Variants in DNAJC5B observed in about 807,000 individuals in gnomAD.
DNAJC5B encodes DnaJ heat shock protein family (Hsp40) member C5 beta.
In DNAJC5B, 23 loss-of-function variants were observed where a neutral mutation model predicts 24.7. The ratio of observed to expected loss-of-function variants is 0.93; its 90% CI spans 0.67 to 1.32. The LOEUF is 1.32. Among genes scored for constraint, DNAJC5B ranks in the 40% most tolerant of loss-of-function variants. The pLI is 0.00. For synonymous variants in DNAJC5B, 101 were observed against 90.1 expected, an observed-to-expected ratio of 1.12 and a Z score of -0.68; for missense variants, 238 against 240.8, an observed-to-expected ratio of 0.99 and a Z score of 0.08.
At chr8:66,055,368 A>G (rs1038672714) in intron 3 of DNAJC5B, among the ~76,000 whole-genome samples, 5 of 152,230 alleles carry the variant, frequency 3.3e-5, no homozygotes, top group African/African-American at 1.2e-4. Context: ...GTGAATTAAA[A>G]GTCAGTGAAA....
intron 1 of DNAJC5B, among the ~76,000 whole-genome samples, chr8:66,026,551 C>A (rs984490986): frequency 3.3e-5 from 5 of 152,276 alleles, no homozygotes; most frequent in African/African-American, 1.2e-4. Context: ...CCCTGAGGCG[C>A]CTTGGCAGGC....
At chr8:66,089,946 T>C (rs1015092046) in intron 5 of DNAJC5B, among the ~76,000 whole-genome samples, 2 of 152,192 alleles carry the variant, frequency 1.3e-5, no homozygotes, top group Non-Finnish European at 2.9e-5. Context: ...AAATGGAAGA[T>C]AGATAGTGTC....
chr8:66,096,651 A>G (rs574899436), intron 5 of DNAJC5B, among the ~76,000 whole-genome samples: 5 of 152,230 alleles, frequency 3.3e-5, no homozygotes, highest in South Asian at 2.1e-4. Flanking sequence ...CTTTTGTCTT[A>G]TATCTTATTT....
intron 3 of DNAJC5B, among the ~76,000 whole-genome samples, chr8:66,054,935 T>A (rs1358295937): frequency 6.6e-6 from 1 of 152,118 alleles, no homozygotes; most frequent in Non-Finnish European, 1.5e-5. Context: ...ATTTTTGTAA[T>A]ATCTACAAAA....
chr8:66,075,386 A>T (rs1483738662), intron 3 of DNAJC5B, among the ~76,000 whole-genome samples: 1 of 152,286 alleles, frequency 6.6e-6, no homozygotes, highest in East Asian at 1.9e-4. Flanking sequence ...GGGGGGGGAA[A>T]TGCTGCAATT....
At chr8:66,067,680 A>G (rs1466072768) in intron 3 of DNAJC5B, among the ~76,000 whole-genome samples, 3 of 152,314 alleles carry the variant, frequency 2.0e-5, no homozygotes, top group African/African-American at 4.8e-5. Context: ...TCATCTAGCC[A>G]TGAGGAAAAG....
intron 5 of DNAJC5B, among the ~76,000 whole-genome samples, chr8:66,093,074 C>A (rs758731567): frequency 6.6e-5 from 10 of 152,120 alleles, no homozygotes; most frequent in Non-Finnish European, 1.5e-4. Flanking sequence ...TTGTGACTGT[C>A]ATTCATGTAT....
intron 1 of DNAJC5B, among the ~76,000 whole-genome samples, chr8:66,033,086 T>G (rs1248927670): frequency 6.6e-6 from 1 of 152,220 alleles, no homozygotes; most frequent in African/African-American, 2.4e-5. Flanking sequence ...AAGCCATCCG[T>G]ATCCCAGTCC....
chr8:66,048,542 G>A (rs1806774898), intron 2 of DNAJC5B, among the ~76,000 whole-genome samples: 1 of 152,038 alleles, frequency 6.6e-6, no homozygotes, highest in African/African-American at 2.4e-5. Flanking sequence ...ATTGGGTAGG[G>A]CAGGGGACCA....
intron 1 of DNAJC5B, among the ~76,000 whole-genome samples, chr8:66,024,347 C>T (rs974416405): frequency 6.7e-6 from 1 of 149,642 alleles, no homozygotes; most frequent in African/African-American, 2.5e-5. Context: ...TGTATAACTG[C>T]AGAAGAAAGC....
chr8:66,069,748 CACA>C (rs1216227432), intron 3 of DNAJC5B, among the ~76,000 whole-genome samples: 12 of 152,218 alleles, frequency 7.9e-5, no homozygotes, highest in Admixed American at 2.0e-4. Flanking sequence ...CTGGCAGAGA[CACA>C]ACAAGAAAAG....
chr8:66,092,201 G>C (rs913779330), intron 5 of DNAJC5B, among the ~76,000 whole-genome samples: 2 of 152,202 alleles, frequency 1.3e-5, no homozygotes, highest in Admixed American at 6.5e-5. Flanking sequence ...AAAATATATA[G>C]TAGGGGAGAG....
At chr8:66,081,423 A>G (rs1807594385) in intron 5 of DNAJC5B, among the ~76,000 whole-genome samples, 1 of 152,156 alleles carries the variant, frequency 6.6e-6, no homozygotes, top group Non-Finnish European at 1.5e-5. Flanking sequence ...AAACCTAGAC[A>G]GCCAAATAAA....
intron 5 of DNAJC5B, among the ~76,000 whole-genome samples, chr8:66,092,230 T>A (rs1764857245): frequency 6.6e-6 from 1 of 152,206 alleles, no homozygotes; most frequent in Non-Finnish European, 1.5e-5. Context: ...AAGATTTGAC[T>A]AGAAAAAGAA....
chr8:66,040,425 T>C (rs1403466395), intron 1 of DNAJC5B, among the ~76,000 whole-genome samples: 1 of 152,080 alleles, frequency 6.6e-6, no homozygotes, highest in African/African-American at 2.4e-5. Context: ...GTTTAAGAAA[T>C]AAGAATGTTT....
At chr8:66,077,221 T>C (rs1263945501) in intron 4 of DNAJC5B, among the ~76,000 whole-genome samples, 1 of 152,222 alleles carries the variant, frequency 6.6e-6, no homozygotes, top group Non-Finnish European at 1.5e-5. Flanking sequence ...GGGGCAAATT[T>C]AGCCATGTCC....
At position 66,051,610 on chromosome 8, in the gene DNAJC5B, C is replaced by T. The variant is rs764193345; in HGVS notation, c.63C>T (p.Tyr21=). The T allele has an allele frequency of 2.5e-5, 41 of 1,613,936 alleles. No homozygotes were observed. Among genetic ancestry groups the T allele is most frequent in the Middle Eastern group, 3.3e-4 (2 of 6,084 alleles). The change falls in exon 3 of 6, where the codon TAC becomes TAT. Residue 21 remains tyrosine, a synonymous_variant. Coordinates refer to ENST00000276570, the MANE Select transcript of DNAJC5B (RefSeq NM_033105.6). ...TGTCAACAACAGGAGAAGCTCTATA[C>T]GAAATTCTTGGTCTGCATAAGGGAG... ...RTLSTTGEAL[Y]EILGLHKGAS...
At chr8:66,078,286 CAT>C (rs1807515739) in intron 4 of DNAJC5B, among the ~76,000 whole-genome samples, 1 of 152,106 alleles carries the variant, frequency 6.6e-6, no homozygotes, top group Non-Finnish European at 1.5e-5. Flanking sequence ...CACAGAAAAA[CAT>C]ATCTTTTCCT....
chr8:66,076,516 T>C, intron 3 of DNAJC5B, 144 bp from the exon 4 acceptor site: 2 of 834,038 alleles, frequency 2.4e-6, no homozygotes, highest in Non-Finnish European at 1.9e-6. Flanking sequence ...AAAATGTACT[T>C]GTTAATCACC....
Sources: gnomAD v4.1 joint callset for allele counts (sites outside exome capture counted in the v4.1 genomes callset) on GRCh38, gnomAD v4.1.1 for gene constraint, MANE v1.5 for transcripts, NCBI Gene and HGNC (gene_info 2026-07-23, HGNC 2026-07-21) for gene names.